The following SEMA5A variants were observed in gnomAD, a reference collection of about 807,000 sequenced individuals.
SEMA5A encodes the protein semaphorin-5A.
Under a neutral mutation model 135.5 loss-of-function variants are expected in SEMA5A, and 55 were observed. That is an observed-to-expected ratio of 0.41 (90% CI 0.33 to 0.51). SEMA5A has a LOEUF of 0.51. Among genes scored for constraint, SEMA5A ranks in the 20% least tolerant of loss-of-function variants. The probability of loss-of-function intolerance (pLI) is 0.37; values close to 1 mark genes in which losing one functional copy is unlikely to be tolerated. For missense variants in SEMA5A, 1,290 were observed against 1,419.9 expected (o/e 0.91, Z 1.47); for synonymous variants, 580 against 546.5 (o/e 1.06, Z -0.85).
chr5:9,430,096 A>C (rs958517290), intron 2 of SEMA5A, among the ~76,000 whole-genome samples: 23 of 152,284 alleles, frequency 1.5e-4, no homozygotes, highest in Admixed American at 1.5e-3. Flanking sequence ...TATGTTGAAC[A>C]AAAAAACGAA....
chr5:9,297,458 C>T (rs1751396326), intron 5 of SEMA5A, among the ~76,000 whole-genome samples: 1 of 152,206 alleles, frequency 6.6e-6, no homozygotes, highest in African/African-American at 2.4e-5. Context: ...GTCGCCACTT[C>T]CACTATGTGT....
intron 2 of SEMA5A, among the ~76,000 whole-genome samples, chr5:9,435,853 C>T (rs997340245): frequency 3.3e-5 from 5 of 152,176 alleles, no homozygotes; most frequent in Non-Finnish European, 7.4e-5. Context: ...AGAAAACGTT[C>T]GCCAATTCTT....
intron 3 of SEMA5A, among the ~76,000 whole-genome samples, chr5:9,362,054 T>G (rs911120702): frequency 2.6e-5 from 4 of 152,188 alleles, no homozygotes; most frequent in African/African-American, 7.2e-5. Context: ...TTCGTCTTCA[T>G]GAGACAATGT....
chr5:9,431,989 C>T (rs187275421), intron 2 of SEMA5A, among the ~76,000 whole-genome samples: 2 of 152,196 alleles, frequency 1.3e-5, no homozygotes, highest in African/African-American at 4.8e-5. Flanking sequence ...AGACATTCAC[C>T]TAAACAAAAG....
At chr5:9,486,088 C>T (rs982593666) in intron 1 of SEMA5A, among the ~76,000 whole-genome samples, 4 of 151,968 alleles carry the variant, frequency 2.6e-5, no homozygotes, top group Non-Finnish European at 1.5e-5. Context: ...TACTATGCAG[C>T]CATAAAAAGG....
intron 5 of SEMA5A, among the ~76,000 whole-genome samples, chr5:9,295,490 G>A (rs1200962338): frequency 1.3e-5 from 2 of 152,170 alleles, no homozygotes; most frequent in Non-Finnish European, 2.9e-5. Context: ...GGCAGAATTT[G>A]ATAGTTGTCT....
chr5:9,167,007 ACT>A (rs897210524), intron 11 of SEMA5A, among the ~76,000 whole-genome samples: 2 of 152,222 alleles, frequency 1.3e-5, no homozygotes, highest in Admixed American at 1.3e-4. Context: ...TGAAATTTAT[ACT>A]GTGTCTGGTC....
chr5:9,131,459 T>G (rs1057352034), intron 13 of SEMA5A, among the ~76,000 whole-genome samples: 2 of 150,894 alleles, frequency 1.3e-5, no homozygotes, highest in African/African-American at 4.9e-5. Flanking sequence ...ACACAAAAAA[T>G]TACCCGGGTG....
chr5:9,279,322 G>A (rs1203056249), intron 5 of SEMA5A, among the ~76,000 whole-genome samples: 1 of 152,186 alleles, frequency 6.6e-6, no homozygotes, highest in African/African-American at 2.4e-5. Flanking sequence ...CATTTGGGAT[G>A]TGAATATTTG....
At chr5:9,088,356 A>T (rs185376170) in intron 16 of SEMA5A, among the ~76,000 whole-genome samples, 1,531 of 150,840 alleles carry the variant, frequency 0.01, 10 homozygotes, top group Middle Eastern at 0.021. Context: ...TAATTTCTTA[A>T]TTTTCCTATA....
chr5:9,369,780 C>CAA (rs538148385), intron 3 of SEMA5A, among the ~76,000 whole-genome samples: 9,256 of 132,442 alleles, frequency 0.07, 327 homozygotes, highest in African/African-American at 0.11. Flanking sequence ...CAGAACAAAC[C>CAA]AAAAAAAAAA....
intron 1 of SEMA5A, among the ~76,000 whole-genome samples, chr5:9,445,293 T>A (rs1258402579): frequency 6.6e-6 from 1 of 152,006 alleles, no homozygotes; most frequent in Non-Finnish European, 1.5e-5. Context: ...CCAGCTAATA[T>A]TTGATCTAGA....
rs73045631 is a variant in SEMA5A at position 9,115,757 on chromosome 5, C to T, written c.1925+3241G>A. ...CAGAGAATCAACTCTGGCAGATAGA[C>T]TCTATGGTGGCCCTAGTGAGCTCTG... is the stretch of plus-strand genomic sequence containing the variant. On this transcript the variant is annotated intron_variant, in intron 15 of 22. Coordinates refer to ENST00000382496, the MANE Select transcript of SEMA5A (RefSeq NM_003966.3). Among the ~76,000 whole-genome samples the T allele has an allele frequency of 5.1e-3, 771 of 152,250 alleles. 6 individuals carry two copies. The highest frequency in any genetic ancestry group is 0.024 in the East Asian group (123 of 5,178).
intron 21 of SEMA5A, among the ~76,000 whole-genome samples, chr5:9,047,191 T>TA (rs1372699170): frequency 6.6e-6 from 1 of 152,240 alleles, no homozygotes; most frequent in African/African-American, 2.4e-5. Context: ...GTCAATGCCT[T>TA]CTTCTGAAGG....
chr5:9,319,130 G>A (rs1752518080), intron 4 of SEMA5A, among the ~76,000 whole-genome samples: 1 of 152,178 alleles, frequency 6.6e-6, no homozygotes, highest in African/African-American at 2.4e-5. Context: ...TTTGGTCCTG[G>A]GAGGTGGAGG....
intron 5 of SEMA5A, among the ~76,000 whole-genome samples, chr5:9,263,910 C>T (rs1475971401): frequency 6.6e-6 from 1 of 152,190 alleles, no homozygotes; most frequent in Non-Finnish European, 1.5e-5. Context: ...TTCTCAAACA[C>T]ACATTCCCCT....
At chr5:9,127,287 C>T (rs990679) in intron 13 of SEMA5A, among the ~76,000 whole-genome samples, 52,388 of 151,996 alleles carry the variant, frequency 0.34, 12,024 homozygotes, top group East Asian at 0.65. Flanking sequence ...CAGTTCTATC[C>T]TGGATGCTAA....
chr5:9,208,214 T>C (rs1746152541), intron 8 of SEMA5A, among the ~76,000 whole-genome samples: 2 of 152,094 alleles, frequency 1.3e-5, no homozygotes, highest in Non-Finnish European at 2.9e-5. Context: ...TGTGAGTAAA[T>C]AGTATCAGTA....
rs555352370 is a variant in SEMA5A at position 9,504,143 on chromosome 5, A to G, written c.-175+41441T>C. ...GGCAGGAGAATCGCTTAAACCCAGG[A>G]GGCGGAGGCTGCAGTGAGCCAAGGT... is the stretch of plus-strand genomic sequence containing the variant. On this transcript the variant is annotated intron_variant, in intron 1 of 22. Transcript: ENST00000382496. 2.1e-5 allele frequency among the ~76,000 whole-genome samples: 3 copies of G among 145,352 alleles called. No individual in the cohort carries two copies. In the East Asian group the frequency reaches 6.7e-4, roughly 32 times the overall value.
Sources: allele counts gnomAD v4.1 joint callset (sites outside exome capture counted in the v4.1 genomes callset), GRCh38; gene constraint gnomAD v4.1.1; transcripts MANE v1.5; gene names NCBI Gene and HGNC (gene_info 2026-07-23, HGNC 2026-07-21).